Variants in CAMSAP2 observed in about 807,000 individuals in gnomAD.
The protein encoded by CAMSAP2 is calmodulin regulated spectrin associated protein family member 2, also known as calmodulin-regulated spectrin-associated protein 2.
In CAMSAP2, 26 loss-of-function variants were observed where a neutral mutation model predicts 146.1. The ratio of observed to expected loss-of-function variants is 0.18; its 90% confidence interval spans 0.13 to 0.25. The LOEUF (loss-of-function observed/expected upper bound fraction) is 0.25. CAMSAP2 is among the 10% of genes least tolerant of loss of function. CAMSAP2 has a pLI of 1.00. For missense variants in CAMSAP2, 1,381 were observed against 1,759.3 expected, an observed-to-expected ratio of 0.78 and a Z score of 3.85; for synonymous variants, 499 against 596.6, an observed-to-expected ratio of 0.84 and a Z score of 2.38.
intron 4 of CAMSAP2, among the ~76,000 whole-genome samples, chr1:200,817,280 A>G (rs557107139): frequency 6.8e-6 from 1 of 148,042 alleles, no homozygotes; most frequent in Admixed American, 6.7e-5. Flanking sequence ...ATATATATAT[A>G]TTTTCCCAGA....
chr1:200,803,487 C>T (rs917911630), intron 2 of CAMSAP2, among the ~76,000 whole-genome samples: 3 of 152,072 alleles, frequency 2.0e-5, no homozygotes, highest in Non-Finnish European at 2.9e-5. Context: ...TTGGAGCTAT[C>T]ATAGCTCCAA....
At chr1:200,817,059 CACACACGTATATATGTGTAT>C (rs1369192551) in intron 4 of CAMSAP2, among the ~76,000 whole-genome samples, 2 of 139,996 alleles carry the variant, frequency 1.4e-5, no homozygotes, top group Non-Finnish European at 3.2e-5. Flanking sequence ...TATGTGTATA[CACACACGTATATATGTGTAT>C]ACACACACAC....
intron 2 of CAMSAP2, among the ~76,000 whole-genome samples, chr1:200,799,921 AT>A (rs1322093300): frequency 6.6e-6 from 1 of 152,026 alleles, no homozygotes; most frequent in Admixed American, 6.6e-5. Flanking sequence ...TAATTTTGTT[AT>A]TTACCCAGTA....
chr1:200,771,175 G>A (rs1446226030), intron 2 of CAMSAP2, among the ~76,000 whole-genome samples: 1 of 151,842 alleles, frequency 6.6e-6, no homozygotes, highest in East Asian at 1.9e-4. Flanking sequence ...GGAGAAAAGG[G>A]GATTGTTTTG....
At chr1:200,814,814 G>C in intron 3 of CAMSAP2, among the ~76,000 whole-genome samples, 1 of 151,946 alleles carries the variant, frequency 6.6e-6, no homozygotes, top group East Asian at 1.9e-4. Context: ...TGAAAGTTTT[G>C]GTGGCTAATG....
rs1049784912 is a variant in CAMSAP2, at chr1:200,738,932, A to G, written c.-896A>G. Among the ~76,000 whole-genome samples, 2 of 138,630 alleles carry G rather than the reference A, an allele frequency of 1.4e-5. No homozygotes were observed. Among genetic ancestry groups the G allele is most frequent in the Non-Finnish European group, 3.1e-5 (2 of 64,280 alleles). 90.9% of individuals were successfully genotyped at this position (138,630 alleles called of 152,430 possible). A position where few individuals can be genotyped will look rare whatever the true frequency, so the allele number is the denominator to read the frequency against. On this transcript the variant is annotated 5_prime_UTR_variant, in exon 1 of 17. Coordinates refer to ENST00000358823, the MANE Select transcript of CAMSAP2 (RefSeq NM_203459.4). ...CTCCTTCATCCAGTGCCGCAGCCGG[A>G]AAACCGCAGCGGCGGCGGCGGCGGC...
At chr1:200,743,810 G>A (rs530021449) in intron 1 of CAMSAP2, among the ~76,000 whole-genome samples, 23 of 152,120 alleles carry the variant, frequency 1.5e-4, no homozygotes, top group African/African-American at 5.5e-4. Context: ...GCATGGTGGC[G>A]AGTGCCTGTA....
At chr1:200,748,508 CTT>C (rs1275858116) in intron 1 of CAMSAP2, among the ~76,000 whole-genome samples, 1 of 151,888 alleles carries the variant, frequency 6.6e-6, no homozygotes, top group African/African-American at 2.4e-5. Flanking sequence ...GTTGATATCT[CTT>C]TATATTGTTG....
intron 2 of CAMSAP2, among the ~76,000 whole-genome samples, chr1:200,762,050 C>T (rs1204888103): frequency 6.6e-6 from 1 of 152,108 alleles, no homozygotes; most frequent in Non-Finnish European, 1.5e-5. Flanking sequence ...TCGATTAAAT[C>T]AAAGAGTAGT....
chr1:200,746,035 A>AC (rs1487042908), intron 1 of CAMSAP2, among the ~76,000 whole-genome samples: 2 of 152,220 alleles, frequency 1.3e-5, no homozygotes, highest in Admixed American at 1.3e-4. Flanking sequence ...TCTTCTTCCC[A>AC]CGTGGACCCT....
At chr1:200,747,011 T>C (rs1334678964) in intron 1 of CAMSAP2, among the ~76,000 whole-genome samples, 1 of 151,780 alleles carries the variant, frequency 6.6e-6, no homozygotes, top group Non-Finnish European at 1.5e-5. Flanking sequence ...TGGGCTCAGG[T>C]GATCCTCCTG....
At chr1:200,818,621 C>T (rs185320190) in intron 4 of CAMSAP2, among the ~76,000 whole-genome samples, 1 of 152,040 alleles carries the variant, frequency 6.6e-6, no homozygotes, top group Non-Finnish European at 1.5e-5. Context: ...CAGGTGTTGT[C>T]ATTATGAAGA....
chr1:200,804,436 G>A (rs1463877362), intron 2 of CAMSAP2, among the ~76,000 whole-genome samples: 1 of 152,018 alleles, frequency 6.6e-6, no homozygotes, highest in East Asian at 1.9e-4. Context: ...TATTATAATG[G>A]TTATTTTTTA....
At chr1:200,845,484 T>G (rs1667437832) in intron 8 of CAMSAP2, among the ~76,000 whole-genome samples, 1 of 152,174 alleles carries the variant, frequency 6.6e-6, no homozygotes, top group African/African-American at 2.4e-5. Flanking sequence ...GCTGGTTAAC[T>G]GTATCATTGT....
At chr1:200,834,233 C>T (rs1198691485) in intron 6 of CAMSAP2, among the ~76,000 whole-genome samples, 2 of 151,962 alleles carry the variant, frequency 1.3e-5, no homozygotes, top group Non-Finnish European at 2.9e-5. Context: ...CGTAGTGGCA[C>T]GCACCTATAA....
intron 3 of CAMSAP2, among the ~76,000 whole-genome samples, chr1:200,812,220 T>C (rs1211271489): frequency 1.3e-5 from 2 of 152,322 alleles, no homozygotes; most frequent in Middle Eastern, 3.4e-3. Flanking sequence ...ACGATGACCT[T>C]CTTCTTTTCA....
intron 2 of CAMSAP2, among the ~76,000 whole-genome samples, chr1:200,784,252 G>A (rs1281583685): frequency 1.3e-5 from 2 of 151,122 alleles, no homozygotes; most frequent in East Asian, 1.9e-4. Context: ...AATTGTTTTC[G>A]TTATTCTAGG....
chr1:200,855,304 T>C (rs991995185), intron 14 of CAMSAP2, among the ~76,000 whole-genome samples: 1 of 152,068 alleles, frequency 6.6e-6, no homozygotes. Flanking sequence ...GCCTATGACT[T>C]AGGAAGGATC....
chr1:200,797,283 A>G (rs995482103), intron 2 of CAMSAP2, among the ~76,000 whole-genome samples: 2 of 150,752 alleles, frequency 1.3e-5, no homozygotes, highest in Non-Finnish European at 3.0e-5. Context: ...TTACAGTCCC[A>G]CCAACAGTGT....
Sources: gnomAD v4.1 joint callset for allele counts (sites outside exome capture counted in the v4.1 genomes callset) on GRCh38, gnomAD v4.1.1 for gene constraint, MANE v1.5 for transcripts, NCBI Gene and HGNC (gene_info 2026-07-23, HGNC 2026-07-21) for gene names.